The following BAALC variants were observed in gnomAD, a reference collection of about 807,000 sequenced individuals.
The protein encoded by BAALC is BAALC binder of MAP3K1 and KLF4.
A neutral mutation model predicts 15.5 loss-of-function variants in BAALC; 9 were observed. The ratio of observed to expected loss-of-function variants is 0.58; its 90% CI spans 0.35 to 1.02. The LOEUF (loss-of-function observed/expected upper bound fraction) is 1.02, where lower values mean the gene tolerates loss of function less well. BAALC is among the 50% of genes least tolerant of loss of function. The pLI, the probability that BAALC is intolerant of heterozygous loss-of-function variation, is 0.02. For missense variants in BAALC, 201 were observed against 192.4 expected, an observed-to-expected ratio of 1.04 and a Z score of -0.27; for synonymous variants, 80 against 74.6, an observed-to-expected ratio of 1.07 and a Z score of -0.37.
intron 1 of BAALC, among the ~76,000 whole-genome samples, chr8:103,148,091 G>A (rs1029597375): frequency 2.0e-5 from 3 of 152,142 alleles, no homozygotes; most frequent in African/African-American, 7.2e-5. Flanking sequence ...ACCTCAGAAT[G>A]TGACCTTATT....
intron 1 of BAALC, chr8:103,200,785 A>G (rs1313926204): frequency 8.8e-6 from 6 of 679,278 alleles, no homozygotes; most frequent in African/African-American, 7.0e-5. Context: ...GCTCCCTTCA[A>G]CCTCTTTTAT....
At chr8:103,216,780 C>T (rs1168257783) in intron 2 of BAALC, among the ~76,000 whole-genome samples, 1 of 152,228 alleles carries the variant, frequency 6.6e-6, no homozygotes, top group African/African-American at 2.4e-5. Flanking sequence ...CCGGCCACTA[C>T]CAAGTATTTA....
At chr8:103,141,081 C>G (rs938411574) in intron 1 of BAALC, 24 bp downstream of exon 1, 23 of 1,413,760 alleles carry the variant, frequency 1.6e-5, no homozygotes, top group Non-Finnish European at 1.8e-5. Flanking sequence ...CCCCTGCAGA[C>G]CCTCGCCCGC....
chr8:103,170,048 A>G (rs1811443195), intron 1 of BAALC, among the ~76,000 whole-genome samples: 1 of 152,152 alleles, frequency 6.6e-6, no homozygotes, highest in African/African-American at 2.4e-5. Flanking sequence ...CTAAGATAGT[A>G]AGCACTTGCT....
rs570865055 is a variant in BAALC at position 103,205,501 on chromosome 8, C to T, written c.161-7418C>T. Among the ~76,000 whole-genome samples the T allele has an allele frequency of 4.6e-5, 7 of 152,270 alleles. No individual in the cohort carries two copies. In the East Asian group the frequency reaches 1.3e-3, roughly 29 times the overall value. ...CATGAGTACTTTGTGACCCTCAAAACTAACACGAGTGTTGATCTCTATGTC... is the reference window on the plus strand; with the variant it reads ...CATGAGTACTTTGTGACCCTCAAAATTAACACGAGTGTTGATCTCTATGTC... On this transcript the variant is annotated intron_variant, in intron 1 of 2. Transcript: ENST00000309982.
intron 2 of BAALC, among the ~76,000 whole-genome samples, chr8:103,223,109 G>A (rs1416785097): frequency 6.6e-6 from 1 of 152,010 alleles, no homozygotes. Flanking sequence ...TCAGGAGTTC[G>A]AGACCAGCCT....
chr8:103,147,836 T>C (rs1434001977), intron 1 of BAALC, among the ~76,000 whole-genome samples: 2 of 152,224 alleles, frequency 1.3e-5, no homozygotes, highest in Non-Finnish European at 2.9e-5. Flanking sequence ...CCAGTCTATA[T>C]GCCACATTTA....
chr8:103,209,207 A>T (rs1272351508), intron 1 of BAALC, among the ~76,000 whole-genome samples: 1 of 152,140 alleles, frequency 6.6e-6, no homozygotes, highest in Non-Finnish European at 1.5e-5. Flanking sequence ...CTCCATCTCC[A>T]TTTAAAATAC....
intron 1 of BAALC, chr8:103,141,306 G>A: frequency 2.3e-6 from 1 of 428,288 alleles, no homozygotes. Flanking sequence ...CTTTGGCCTT[G>A]TCCAAAGCTT....
intron 1 of BAALC, 152 bp downstream of exon 1, chr8:103,141,209 G>A: frequency 1.1e-6 from 1 of 879,952 alleles, no homozygotes; most frequent in Non-Finnish European, 1.6e-6. Flanking sequence ...ACTGATCAGT[G>A]GACAGATGCA....
At chr8:103,152,129 C>G (rs941231612) in intron 1 of BAALC, among the ~76,000 whole-genome samples, 5 of 152,152 alleles carry the variant, frequency 3.3e-5, no homozygotes, top group African/African-American at 1.2e-4. Context: ...CTGTCACTCT[C>G]TTGTTTAATG....
At chr8:103,157,287 T>C (rs1020220963) in intron 1 of BAALC, among the ~76,000 whole-genome samples, 1 of 152,104 alleles carries the variant, frequency 6.6e-6, no homozygotes, top group Non-Finnish European at 1.5e-5. Flanking sequence ...ATATGAAAAT[T>C]TGAAACTTTA....
intron 1 of BAALC, among the ~76,000 whole-genome samples, chr8:103,186,436 C>T (rs916121417): frequency 2.6e-5 from 4 of 152,210 alleles, no homozygotes; most frequent in Non-Finnish European, 5.9e-5. Flanking sequence ...ATTCTCATGA[C>T]ATTATAGCCC....
At chr8:103,173,220 C>A (rs946454536) in intron 1 of BAALC, among the ~76,000 whole-genome samples, 2 of 152,186 alleles carry the variant, frequency 1.3e-5, no homozygotes, top group Non-Finnish European at 2.9e-5. Context: ...AGGATGGGAA[C>A]TGTGTGGCCA....
At chr8:103,175,096 G>T (rs971287359) in intron 1 of BAALC, among the ~76,000 whole-genome samples, 3 of 152,090 alleles carry the variant, frequency 2.0e-5, no homozygotes, top group African/African-American at 7.2e-5. Flanking sequence ...TCACCTCTCT[G>T]CCCTCCCTGC....
chr8:103,216,993 A>C (rs1812571737), intron 2 of BAALC, among the ~76,000 whole-genome samples: 1 of 152,142 alleles, frequency 6.6e-6, no homozygotes, highest in Non-Finnish European at 1.5e-5. Context: ...TGGGGCTTTA[A>C]AATGGGGCGG....
Position 103,204,225 on chromosome 8 carries a change from A to G in BAALC, c.161-8694A>G, listed in dbSNP as rs569112181. ...TTTATTGGCCATTTGCATATCTTCT[A>G]TAAAGAAATGTCTACTCAGGTCCTT... On this transcript the variant is annotated intron_variant, in intron 1 of 2. Coordinates refer to ENST00000309982, the MANE Select transcript of BAALC (RefSeq NM_024812.3). 1.1e-4 allele frequency among the ~76,000 whole-genome samples: 17 copies of G among 152,260 alleles called. No individual in the cohort carries two copies. The East Asian group carries it at 3.3e-3, about 29-fold the overall frequency.
intron 1 of BAALC, among the ~76,000 whole-genome samples, chr8:103,171,384 GA>G (rs371911290): frequency 2.6e-3 from 179 of 67,826 alleles, no homozygotes; most frequent in African/African-American, 8.6e-3. Flanking sequence ...AGAAAGGCAA[GA>G]GAGGAAGGAA....
intron 1 of BAALC, chr8:103,208,127 T>C (rs1812370741): frequency 6.6e-6 from 1 of 152,282 alleles, no homozygotes; most frequent in South Asian, 2.1e-4. Flanking sequence ...AAATCAGGAA[T>C]GCAACCAGTG....
Sources: allele counts gnomAD v4.1 joint callset (sites outside exome capture counted in the v4.1 genomes callset), GRCh38; gene constraint gnomAD v4.1.1; transcripts MANE v1.5; gene names NCBI Gene and HGNC (gene_info 2026-07-23, HGNC 2026-07-21).